The following EFCAB14 variants were observed in gnomAD, a reference collection of about 807,000 sequenced individuals.
EFCAB14 encodes the protein EF-hand calcium binding domain 14.
A neutral mutation model predicts 56.5 loss-of-function variants in EFCAB14; 43 were observed. The ratio of observed to expected loss-of-function variants is 0.76; its 90% CI spans 0.60 to 0.98. The LOEUF (loss-of-function observed/expected upper bound fraction) is 0.98. EFCAB14 is among the 50% of genes least tolerant of loss of function. EFCAB14 has a pLI of 0.00. For missense variants in EFCAB14, 538 were observed against 580.3 expected (o/e 0.93, Z 0.75); for synonymous variants, 235 against 212.9 (o/e 1.10, Z -0.90).
intron 2 of EFCAB14, among the ~76,000 whole-genome samples, chr1:46,708,594 T>C (rs533131379): frequency 2.6e-5 from 4 of 152,342 alleles, no homozygotes; most frequent in African/African-American, 9.6e-5. Flanking sequence ...TGCTTAAATC[T>C]TTTTCTACCT....
chr1:46,681,309 G>T (rs896388639), intron 10 of EFCAB14, among the ~76,000 whole-genome samples: 1 of 152,088 alleles, frequency 6.6e-6, no homozygotes, highest in Non-Finnish European at 1.5e-5. Context: ...TCAAATAGAA[G>T]ATTTAATATC....
chr1:46,709,363 CTT>C (rs1677275957), intron 2 of EFCAB14, among the ~76,000 whole-genome samples: 1 of 146,880 alleles, frequency 6.8e-6, no homozygotes, highest in African/African-American at 2.7e-5. Flanking sequence ...ATGCCCTTGG[CTT>C]GTCTCTTCTT....
At chr1:46,703,735 T>C (rs1007581931) in intron 3 of EFCAB14, among the ~76,000 whole-genome samples, 2 of 152,198 alleles carry the variant, frequency 1.3e-5, no homozygotes, top group African/African-American at 4.8e-5. Context: ...CTGTTTACAG[T>C]ATGAGAGCTG....
At chr1:46,713,494 A>G (rs1216616868) in intron 2 of EFCAB14, among the ~76,000 whole-genome samples, 5 of 152,150 alleles carry the variant, frequency 3.3e-5, no homozygotes, top group Non-Finnish European at 7.4e-5. Context: ...CAGGTCTATT[A>G]TATGTACAAG....
At chr1:46,693,059 G>C (rs1241142999) in intron 4 of EFCAB14, among the ~76,000 whole-genome samples, 1 of 152,056 alleles carries the variant, frequency 6.6e-6, no homozygotes, top group African/African-American at 2.4e-5. Flanking sequence ...CTGGCTTTGG[G>C]AAACTCAATA....
At chr1:46,717,865 G>A in intron 1 of EFCAB14, 38 bp downstream of exon 1, 1 of 1,596,400 alleles carries the variant, frequency 6.3e-7, no homozygotes, top group Non-Finnish European at 8.6e-7. Flanking sequence ...AGTGCAAGGA[G>A]ATGCCTTCTT....
chr1:46,678,167 T>G lies in EFCAB14; in HGVS notation c.*294A>C, dbSNP rs1676725137. 7.9e-6 allele frequency: 2 copies of G among 252,860 alleles called. No individual in the cohort carries two copies. The highest frequency in any genetic ancestry group is 7.5e-5 in the South Asian group (1 of 13,330). The allele number at this position is 252,860 out of a possible 1,614,324, so 15.7% of individuals were successfully genotyped here. A position where few individuals can be genotyped will look rare whatever the true frequency, so the allele number is the denominator to read the frequency against. On this transcript the variant is annotated 3_prime_UTR_variant, in exon 11 of 11. Coordinates refer to ENST00000371933, the MANE Select transcript of EFCAB14 (RefSeq NM_014774.3). ...CCCAGCTTTAAAAGATAAGGTCTCC[T>G]CCCCTCAAAAAAAGGAAAGAGAAAA...
chr1:46,700,986 AGTGTGT>A (rs3991763), intron 3 of EFCAB14, among the ~76,000 whole-genome samples: 3 of 142,844 alleles, frequency 2.1e-5, no homozygotes, highest in Non-Finnish European at 4.6e-5. Flanking sequence ...AGAGTGAGTG[AGTGTGT>A]GTGTGTGTGT....
At chr1:46,714,941 A>G (rs1677364730) in intron 2 of EFCAB14, among the ~76,000 whole-genome samples, 1 of 152,210 alleles carries the variant, frequency 6.6e-6, no homozygotes, top group South Asian at 2.1e-4. Context: ...TGAGATAAAC[A>G]TTTCTGACAG....
chr1:46,679,353 T>C (rs1156554692), intron 10 of EFCAB14, among the ~76,000 whole-genome samples: 1 of 152,226 alleles, frequency 6.6e-6, no homozygotes, highest in Non-Finnish European at 1.5e-5. Context: ...CACGCTGGAG[T>C]GCAGTGGCGC....
chr1:46,694,547 T>C (rs1252060021), intron 4 of EFCAB14, among the ~76,000 whole-genome samples: 3 of 152,254 alleles, frequency 2.0e-5, no homozygotes, highest in African/African-American at 4.8e-5. Flanking sequence ...TCACACCAGT[T>C]AGAATGGTGA....
At chr1:46,698,554 T>G (rs1677108555) in intron 3 of EFCAB14, among the ~76,000 whole-genome samples, 2 of 152,140 alleles carry the variant, frequency 1.3e-5, no homozygotes, top group Non-Finnish European at 2.9e-5. Flanking sequence ...GGAGATAAAA[T>G]TTAAACTGAG....
intron 3 of EFCAB14, among the ~76,000 whole-genome samples, chr1:46,701,307 T>G (rs1365655651): frequency 6.6e-6 from 1 of 152,178 alleles, no homozygotes; most frequent in Non-Finnish European, 1.5e-5. Context: ...GCCCCAGGTA[T>G]GTTTTCCTTA....
At position 46,688,023 on chromosome 1, in the gene EFCAB14, C is replaced by T. The variant is rs578221727; in HGVS notation, c.987+330G>A. 1.6e-3 allele frequency among the ~76,000 whole-genome samples: 250 copies of T among 152,302 alleles called. 2 individuals are homozygous for T. The highest frequency in any genetic ancestry group is 5.8e-3 in the African/African-American group (239 of 41,558). On this transcript the variant is annotated intron_variant, in intron 7 of 10. Coordinates refer to ENST00000371933, the MANE Select transcript of EFCAB14 (RefSeq NM_014774.3). The stretch of plus-strand genomic sequence containing the variant: ...AAAAAGAAAAGACCCAAAAGGCCCT[C>T]GGAAATACGTGCCAGCACTTCCCTA...
intron 4 of EFCAB14, among the ~76,000 whole-genome samples, chr1:46,695,066 C>G (rs7548776): frequency 8.3e-6 from 1 of 120,538 alleles, no homozygotes; most frequent in African/African-American, 3.3e-5. Flanking sequence ...CATCACACAC[C>G]GGGGCCTGTT....
rs1557453727 is a variant in EFCAB14 at position 46,717,962 on chromosome 1, CTCAGAG to C, written c.120_125del (p.Asp40_Ser41del). On this transcript the variant is annotated inframe_deletion, in exon 1 of 11. Transcript: ENST00000371933. ...ATTCCTCTTCCTCTTCGGAGCTGGA[CTCAGAG>C]TCTGAGTCGGGAGGCTCAGTGCGAA... 1 of 1,614,216 alleles carries C rather than the reference CTCAGAG, an allele frequency of 6.2e-7. No individual in the cohort carries two copies. The highest frequency in any genetic ancestry group is 8.5e-7 in the Non-Finnish European group (1 of 1,180,036).
intron 10 of EFCAB14, among the ~76,000 whole-genome samples, chr1:46,680,973 CTTT>C (rs202142759): frequency 2.1e-5 from 3 of 144,536 alleles, no homozygotes. Context: ...ATATACATAA[CTTT>C]TTTTTTTTTT....
intron 3 of EFCAB14, among the ~76,000 whole-genome samples, chr1:46,702,056 G>C (rs1677166874): frequency 6.6e-6 from 1 of 152,194 alleles, no homozygotes; most frequent in Non-Finnish European, 1.5e-5. Context: ...CATTAGAAAA[G>C]TCACACTTTG....
intron 4 of EFCAB14, among the ~76,000 whole-genome samples, chr1:46,694,578 A>C (rs145519624): frequency 0.027 from 4,161 of 152,298 alleles, 94 homozygotes; most frequent in Non-Finnish European, 0.045. Context: ...TCAGGAAACA[A>C]CAGGTGCTGG....
Sources: gnomAD v4.1 joint callset for allele counts (sites outside exome capture counted in the v4.1 genomes callset) on GRCh38, gnomAD v4.1.1 for gene constraint, MANE v1.5 for transcripts, NCBI Gene and HGNC (gene_info 2026-07-23, HGNC 2026-07-21) for gene names.